The following SYT16 variants were observed in gnomAD, a reference collection of about 807,000 sequenced individuals.
The protein encoded by SYT16 is synaptotagmin-16.
In SYT16, 42 loss-of-function variants were observed where a neutral mutation model predicts 61.4. The observed-to-expected ratio is 0.68, with a 90% CI of 0.53 to 0.89. SYT16 has a LOEUF of 0.89. Among genes scored for constraint, SYT16 ranks in the 40% least tolerant of loss-of-function variants. The pLI is 0.00. For synonymous variants in SYT16, 314 were observed against 302.3 expected (o/e 1.04, Z -0.40); for missense variants, 804 against 807.3 (o/e 1.00, Z 0.05).
intron 1 of SYT16, among the ~76,000 whole-genome samples, chr14:61,872,752 G>A (rs207474901): frequency 4.6e-5 from 7 of 152,300 alleles, no homozygotes; most frequent in Admixed American, 1.3e-4. Context: ...GAATACAGAC[G>A]TTGGTTCAGC....
intron 1 of SYT16, among the ~76,000 whole-genome samples, chr14:61,930,180 A>G (rs1416528910): frequency 6.6e-6 from 1 of 152,070 alleles, no homozygotes; most frequent in Non-Finnish European, 1.5e-5. Context: ...ACTAGAGCAG[A>G]TGGCTTGATC....
chr14:62,067,126 G>A (rs2056094667), intron 3 of SYT16, among the ~76,000 whole-genome samples: 1 of 152,054 alleles, frequency 6.6e-6, no homozygotes, highest in Non-Finnish European at 1.5e-5. Context: ...GTGTGTATGT[G>A]TGTGTGCATG....
intron 3 of SYT16, among the ~76,000 whole-genome samples, chr14:62,064,466 A>G (rs1011049708): frequency 6.6e-5 from 10 of 151,922 alleles, no homozygotes; most frequent in Admixed American, 5.9e-4. Context: ...AAATCACTTC[A>G]GCTTTTTGGC....
At chr14:61,912,206 C>G (rs1243612565) in intron 1 of SYT16, among the ~76,000 whole-genome samples, 2 of 152,110 alleles carry the variant, frequency 1.3e-5, no homozygotes. Flanking sequence ...AACCTTACCT[C>G]TAATTTGAAA....
At chr14:61,966,056 A>G (rs924459830) in intron 1 of SYT16, among the ~76,000 whole-genome samples, 1 of 151,306 alleles carries the variant, frequency 6.6e-6, no homozygotes, top group Admixed American at 6.6e-5. Context: ...CAATGTCTGT[A>G]TAGTTTTGGG....
intron 3 of SYT16, among the ~76,000 whole-genome samples, chr14:62,010,575 G>T (rs1426339047): frequency 6.6e-6 from 1 of 152,202 alleles, no homozygotes; most frequent in African/African-American, 2.4e-5. Context: ...CCATCCAGTG[G>T]TTACTCTGGA....
At chr14:62,069,558 G>T in intron 3 of SYT16, 45 bp from the exon 4 acceptor site, 1 of 1,563,638 alleles carries the variant, frequency 6.4e-7, no homozygotes, top group Non-Finnish European at 8.8e-7. Context: ...CTGTATTCGA[G>T]CATATAGGCC....
intron 3 of SYT16, among the ~76,000 whole-genome samples, chr14:62,042,157 A>C (rs1279987126): frequency 6.6e-6 from 1 of 151,932 alleles, no homozygotes; most frequent in African/African-American, 2.4e-5. Flanking sequence ...CTGCATCCCT[A>C]AAATTTTTTT....
chr14:62,029,096 C>G (rs114432683), intron 3 of SYT16, among the ~76,000 whole-genome samples: 1 of 152,154 alleles, frequency 6.6e-6, no homozygotes, highest in Non-Finnish European at 1.5e-5. Flanking sequence ...ATAGGGCCAG[C>G]CTGAGCATCA....
At chr14:61,948,407 A>C (rs1270586647) in intron 1 of SYT16, among the ~76,000 whole-genome samples, 1 of 151,918 alleles carries the variant, frequency 6.6e-6, no homozygotes, top group Non-Finnish European at 1.5e-5. Flanking sequence ...TAGGCTTTTA[A>C]AAAACTAAAA....
chr14:62,029,163 C>G (rs1227403118), intron 3 of SYT16, among the ~76,000 whole-genome samples: 2 of 152,160 alleles, frequency 1.3e-5, no homozygotes, highest in East Asian at 1.9e-4. Flanking sequence ...CAGTCCCGCT[C>G]TGTTGTCCAG....
At chr14:61,910,685 C>T (rs1010645108) in intron 1 of SYT16, among the ~76,000 whole-genome samples, 11 of 150,850 alleles carry the variant, frequency 7.3e-5, no homozygotes, top group Admixed American at 4.6e-4. Context: ...TGCACCACCA[C>T]GCCAGGCTAA....
At chr14:61,908,441 A>G (rs1040164833) in intron 1 of SYT16, among the ~76,000 whole-genome samples, 3 of 152,162 alleles carry the variant, frequency 2.0e-5, no homozygotes, top group African/African-American at 7.2e-5. Context: ...GTATTTTTTT[A>G]GGTTTCATAA....
chr14:62,021,918 G>A (rs2053924051), intron 3 of SYT16, among the ~76,000 whole-genome samples: 1 of 152,128 alleles, frequency 6.6e-6, no homozygotes, highest in South Asian at 2.1e-4. Flanking sequence ...GCAAATTCTA[G>A]TATCTTGTCT....
chr14:61,926,342 A>G (rs924115440), intron 1 of SYT16, among the ~76,000 whole-genome samples: 4 of 152,224 alleles, frequency 2.6e-5, no homozygotes, highest in African/African-American at 7.2e-5. Flanking sequence ...ATAGACAGAC[A>G]TATGAATATA....
chr14:62,048,151 A>G (rs8014431), intron 3 of SYT16, among the ~76,000 whole-genome samples: 10,692 of 152,196 alleles, frequency 0.07, 481 homozygotes, highest in East Asian at 0.12. Context: ...CCTCAATTTC[A>G]GAATCTGTTA....
intron 1 of SYT16, among the ~76,000 whole-genome samples, chr14:61,838,975 C>T (rs1488769239): frequency 6.6e-6 from 1 of 151,376 alleles, no homozygotes; most frequent in African/African-American, 2.4e-5. Context: ...CACCGGCCCC[C>T]CACCCCCCCG....
intron 1 of SYT16, among the ~76,000 whole-genome samples, chr14:61,892,622 A>G (rs1442239628): frequency 6.6e-6 from 1 of 152,178 alleles, no homozygotes; most frequent in East Asian, 1.9e-4. Context: ...CAATAGTTCC[A>G]GTAAAAAGTC....
chr14:62,005,366 A>G (rs375422980), intron 3 of SYT16, among the ~76,000 whole-genome samples: 14 of 152,220 alleles, frequency 9.2e-5, no homozygotes, highest in South Asian at 2.1e-4. Flanking sequence ...TCTGGGATAT[A>G]TGAGGTAAAA....
Sources: allele counts gnomAD v4.1 joint callset (sites outside exome capture counted in the v4.1 genomes callset), GRCh38; gene constraint gnomAD v4.1.1; transcripts MANE v1.5; gene names NCBI Gene and HGNC (gene_info 2026-07-23, HGNC 2026-07-21).